CLDN14: variants seen among roughly 807,000 people sequenced by gnomAD.
CLDN14 encodes claudin-14.
Under a neutral mutation model 2.1 loss-of-function variants are expected in CLDN14, and 2 were observed. The ratio of observed to expected loss-of-function variants is 0.96; its 90% CI spans 0.39 to 3.01. The LOEUF (loss-of-function observed/expected upper bound fraction) is 3.01. CLDN14 is among the 30% of genes most tolerant of loss of function. The pLI is 0.09. For missense variants in CLDN14, 298 were observed against 328.0 expected (o/e 0.91, Z 0.71); for synonymous variants, 136 against 154.4 (o/e 0.88, Z 0.88).
intron 2 of CLDN14, among the ~76,000 whole-genome samples, chr21:36,500,299 G>C (rs73380197): frequency 0.076 from 11,524 of 152,206 alleles, 1,044 homozygotes; most frequent in African/African-American, 0.21. Flanking sequence ...GGCCACCTCA[G>C]ACTTTGCAGC....
chr21:36,536,754 T>C (rs2087426847), intron 1 of CLDN14, among the ~76,000 whole-genome samples: 1 of 152,210 alleles, frequency 6.6e-6, no homozygotes, highest in African/African-American at 2.4e-5. Flanking sequence ...CAACAGACTT[T>C]CTCTTTTATT....
chr21:36,465,224 G>A lies in CLDN14; in HGVS notation c.-81-3448C>T, dbSNP rs536194777. 2.6e-5 allele frequency among the ~76,000 whole-genome samples: 4 copies of A among 152,312 alleles called. No homozygotes were observed. In the East Asian group the frequency reaches 7.7e-4, roughly 29 times the overall value. On this transcript the variant is annotated intron_variant, in intron 1 of 1. Transcript: ENST00000399135. ...GTGTCCCTGGTCCAAGCATAATGGG[G>A]CTTCTTGCAGCTCTCACTGTCAAGG...
At chr21:36,489,875 C>T (rs1208229404) in intron 2 of CLDN14, among the ~76,000 whole-genome samples, 1 of 152,216 alleles carries the variant, frequency 6.6e-6, no homozygotes, top group Non-Finnish European at 1.5e-5. Context: ...CCCCAGTAGC[C>T]AGCCAGAGCC....
At chr21:36,506,551 C>T (rs1260364172) in intron 2 of CLDN14, among the ~76,000 whole-genome samples, 5 of 149,878 alleles carry the variant, frequency 3.3e-5, no homozygotes, top group South Asian at 4.2e-4. Context: ...GAGCCGAGAT[C>T]GGGCCACTTC....
intron 2 of CLDN14, among the ~76,000 whole-genome samples, chr21:36,501,020 C>A (rs747390175): frequency 2.6e-5 from 4 of 152,248 alleles, no homozygotes; most frequent in Non-Finnish European, 4.4e-5. Flanking sequence ...GGTAGCCCAG[C>A]TAACACCCGG....
chr21:36,474,828 C>G (rs2086755520), intron 1 of CLDN14, among the ~76,000 whole-genome samples: 1 of 152,180 alleles, frequency 6.6e-6, no homozygotes, highest in South Asian at 2.1e-4. Flanking sequence ...GAGACCAGCT[C>G]TGACCAGCAT....
chr21:36,557,303 A>T (rs1017473989), intron 1 of CLDN14, among the ~76,000 whole-genome samples: 1 of 150,770 alleles, frequency 6.6e-6, no homozygotes, highest in African/African-American at 2.4e-5. Context: ...TGGATAAATA[A>T]TATTCACATG....
intron 1 of CLDN14, among the ~76,000 whole-genome samples, chr21:36,474,600 C>T (rs2086751162): frequency 6.6e-6 from 1 of 152,142 alleles, no homozygotes; most frequent in Non-Finnish European, 1.5e-5. Flanking sequence ...GAATCCCAGG[C>T]AATCCCCATC....
chr21:36,525,234 A>C (rs1326620382), intron 1 of CLDN14, among the ~76,000 whole-genome samples: 2 of 152,066 alleles, frequency 1.3e-5, no homozygotes, highest in Non-Finnish European at 2.9e-5. Context: ...GTGCAGCCCA[A>C]CGCAAGTGCA....
intron 1 of CLDN14, among the ~76,000 whole-genome samples, chr21:36,464,658 G>A (rs1029522548): frequency 5.9e-5 from 9 of 152,200 alleles, no homozygotes; most frequent in African/African-American, 1.2e-4. Flanking sequence ...GGGTGCCAGC[G>A]GACCCACCCT....
intron 1 of CLDN14, among the ~76,000 whole-genome samples, chr21:36,548,651 C>T (rs2087541272): frequency 1.3e-5 from 2 of 152,146 alleles, no homozygotes. Context: ...CCCACGGTAT[C>T]TCCTGCTTCT....
Position 36,498,015 on chromosome 21 carries a change from T to A in CLDN14, c.-82+12348A>T, listed in dbSNP as rs895645815. ...GCGAGAGGAAGATGCTTTTTTTTTT[T>A]TTGAGATGGAGTTTTGCTCTGTTGC... On this transcript the variant is annotated intron_variant, in intron 2 of 2. Transcript: ENST00000342108. The surrounding 1 kb of genome is among the most constrained non-coding windows in gnomAD (Gnocchi z 4.9). 2.3e-4 allele frequency among the ~76,000 whole-genome samples: 35 copies of A among 152,104 alleles called. No homozygotes were observed. The highest frequency in any genetic ancestry group is 3.2e-3 in the Middle Eastern group (1 of 316).
intron 1 of CLDN14, among the ~76,000 whole-genome samples, chr21:36,516,998 C>A (rs928446327): frequency 6.6e-6 from 1 of 152,130 alleles, no homozygotes; most frequent in Non-Finnish European, 1.5e-5. Context: ...CCCCACCACG[C>A]CTGGCTAATT....
chr21:36,523,115 G>A (rs1051927699), intron 1 of CLDN14, among the ~76,000 whole-genome samples: 21 of 152,198 alleles, frequency 1.4e-4, no homozygotes, highest in African/African-American at 5.1e-4. Context: ...GTGTCAGGGA[G>A]CAAGCTTGAT....
intron 2 of CLDN14, among the ~76,000 whole-genome samples, chr21:36,494,960 G>A (rs1366234714): frequency 6.6e-6 from 1 of 152,210 alleles, no homozygotes; most frequent in Non-Finnish European, 1.5e-5. Flanking sequence ...AGGCCTGGAT[G>A]TTCCCAAACT....
At chr21:36,524,874 C>A (rs1377872764) in intron 1 of CLDN14, among the ~76,000 whole-genome samples, 1 of 152,220 alleles carries the variant, frequency 6.6e-6, no homozygotes, top group Non-Finnish European at 1.5e-5. Flanking sequence ...CATCTTTTCT[C>A]AGCTCCTTCT....
chr21:36,572,734 C>G (rs1274432732), intron 1 of CLDN14, among the ~76,000 whole-genome samples: 1 of 152,162 alleles, frequency 6.6e-6, no homozygotes, highest in Non-Finnish European at 1.5e-5. Flanking sequence ...AACCTTGACT[C>G]TACTGCTTAT....
intron 1 of CLDN14, among the ~76,000 whole-genome samples, chr21:36,538,096 T>G (rs2087444577): frequency 6.6e-6 from 1 of 152,102 alleles, no homozygotes; most frequent in Non-Finnish European, 1.5e-5. Flanking sequence ...CAGGTGTTCA[T>G]TGTACTATGC....
intron 1 of CLDN14, among the ~76,000 whole-genome samples, chr21:36,552,283 A>G (rs2087568454): frequency 1.3e-5 from 2 of 152,248 alleles, no homozygotes; most frequent in South Asian, 4.1e-4. Flanking sequence ...AAATAAAATG[A>G]GAATGGTTCT....
Sources: allele counts gnomAD v4.1 joint callset (sites outside exome capture counted in the v4.1 genomes callset), GRCh38; gene constraint gnomAD v4.1.1; non-coding constraint Gnocchi (gnomAD v3.1); transcripts MANE v1.5; gene names NCBI Gene and HGNC (gene_info 2026-07-23, HGNC 2026-07-21).